The following ENTPD7 variants were observed in gnomAD, a reference collection of about 807,000 sequenced individuals.
The protein encoded by ENTPD7 is NTPDase 7.
A neutral mutation model predicts 77.9 loss-of-function variants in ENTPD7; 53 were observed. The observed-to-expected ratio is 0.68, with a 90% CI of 0.55 to 0.85. The LOEUF is 0.85. Among genes scored for constraint, ENTPD7 ranks in the 40% least tolerant of loss-of-function variants. The pLI is 0.00. For missense variants in ENTPD7, 636 were observed against 743.7 expected (o/e 0.86, Z 1.68); for synonymous variants, 248 against 274.9 (o/e 0.90, Z 0.97).
At chr10:99,691,996 G>A (rs1298746998) in intron 8 of ENTPD7, among the ~76,000 whole-genome samples, 1 of 152,204 alleles carries the variant, frequency 6.6e-6, no homozygotes, top group Non-Finnish European at 1.5e-5. Flanking sequence ...TTTTGAGGGA[G>A]AAGTTTCATC....
chr10:99,694,154 T>C (rs1462270750), intron 8 of ENTPD7, among the ~76,000 whole-genome samples: 2 of 152,094 alleles, frequency 1.3e-5, no homozygotes, highest in Non-Finnish European at 2.9e-5. Flanking sequence ...AAACCCCATA[T>C]TCACTCCCCA....
Position 99,706,991 on chromosome 10 carries a change from C to T in ENTPD7, c.*2308C>T, listed in dbSNP as rs1283178686. Reference sequence around the variant, plus strand: ...AAAGCTCTTATTAGTATTCTTCATCCTGGCTGTAATAATAGCCATTATTTG... The same window carrying T: ...AAAGCTCTTATTAGTATTCTTCATCTTGGCTGTAATAATAGCCATTATTTG... On this transcript the variant is annotated 3_prime_UTR_variant, in exon 13 of 13. Transcript: ENST00000370489. 1.3e-5 allele frequency among the ~76,000 whole-genome samples: 2 copies of T among 152,158 alleles called. No homozygotes were observed. Among genetic ancestry groups the T allele is most frequent in the Non-Finnish European group, 2.9e-5 (2 of 68,022 alleles).
chr10:99,685,150 G>A (rs2035796471), intron 5 of ENTPD7, among the ~76,000 whole-genome samples: 1 of 152,284 alleles, frequency 6.6e-6, no homozygotes, highest in Admixed American at 6.5e-5. Context: ...CCAGCTACTT[G>A]GGAGGCTGAG....
chr10:99,702,707 C>T, intron 12 of ENTPD7, 34 bp downstream of exon 12: 1 of 1,559,546 alleles, frequency 6.4e-7, no homozygotes, highest in Non-Finnish European at 8.7e-7. Context: ...GTATCTTGAG[C>T]TCAGAGGATA....
intron 5 of ENTPD7, among the ~76,000 whole-genome samples, chr10:99,683,839 A>T (rs2035781061): frequency 6.6e-6 from 1 of 152,220 alleles, no homozygotes; most frequent in African/African-American, 2.4e-5. Flanking sequence ...AAGTTATTTA[A>T]CCAATCCCTA....
chr10:99,698,589 C>T lies in ENTPD7; in HGVS notation c.1066C>T (p.Leu356=). 1 of 1,614,198 alleles carries T rather than the reference C, an allele frequency of 6.2e-7. No individual in the cohort carries two copies. The highest frequency in any genetic ancestry group is 8.5e-7 in the Non-Finnish European group (1 of 1,180,040). The change falls in exon 10 of 13, where the codon CTG becomes TTG. Residue 356 remains leucine, a synonymous_variant. Coordinates refer to ENST00000370489, the MANE Select transcript of ENTPD7 (RefSeq NM_020354.5). ...SPDNPFLDPC[L]PVGLTDVVER... Reference sequence around the variant, plus strand: ...CGACAATCCATTTCTGGATCCCTGCCTGCCAGTGGGACTCACAGATGTGGT... The same window carrying T: ...CGACAATCCATTTCTGGATCCCTGCTTGCCAGTGGGACTCACAGATGTGGT...
At position 99,709,904 on chromosome 10, in the gene ENTPD7, C is replaced by T. The variant is rs554922652; in HGVS notation, c.*5221C>T. Reference sequence around the variant, plus strand: ...TGTTTCTCTGAAAATCTGAGCAATACGGAGATCCTTTTATTAGTAAAACTG... The same window carrying T: ...TGTTTCTCTGAAAATCTGAGCAATATGGAGATCCTTTTATTAGTAAAACTG... On this transcript the variant is annotated 3_prime_UTR_variant, in exon 13 of 13. Transcript: ENST00000370489. 4.4e-5 allele frequency: 43 copies of T among 985,398 alleles called. 1 individual carries two copies. The South Asian group carries it at 1.1e-3, about 25-fold the overall frequency. 61.0% of individuals were successfully genotyped at this position (985,398 alleles called of 1,614,324 possible).
chr10:99,702,801 C>A, intron 12 of ENTPD7, 128 bp downstream of exon 12: 1 of 810,714 alleles, frequency 1.2e-6, no homozygotes, highest in Admixed American at 4.0e-5. Context: ...CTCTCTACCC[C>A]CTCACAAAAA....
At chr10:99,667,173 T>C (rs1159501874) in intron 3 of ENTPD7, among the ~76,000 whole-genome samples, 1 of 152,238 alleles carries the variant, frequency 6.6e-6, no homozygotes, top group East Asian at 1.9e-4. Context: ...CCTAACACCC[T>C]GGAATGCTGT....
chr10:99,709,479 G>A lies in ENTPD7; in HGVS notation c.*4796G>A. The stretch of plus-strand genomic sequence containing the variant: ...TCCTGGTGTTACAAAAAATATTGCT[G>A]TTAAAAAACTAAGACTCAAAACCAA... On this transcript the variant is annotated 3_prime_UTR_variant, in exon 13 of 13. Coordinates refer to ENST00000370489, the MANE Select transcript of ENTPD7 (RefSeq NM_020354.5). The A allele has an allele frequency of 1.0e-6, 1 of 985,300 alleles. No homozygotes were observed. The highest frequency in any genetic ancestry group is 1.2e-6 in the Non-Finnish European group (1 of 829,882). The allele number at this position is 985,300 out of a possible 1,614,324, so 61.0% of individuals were successfully genotyped here. A position where few individuals can be genotyped will look rare whatever the true frequency, so the allele number is the denominator to read the frequency against.
At position 99,706,819 on chromosome 10, in the gene ENTPD7, T is replaced by C. The variant is rs948968299; in HGVS notation, c.*2136T>C. On this transcript the variant is annotated 3_prime_UTR_variant, in exon 13 of 13. Coordinates refer to ENST00000370489, the MANE Select transcript of ENTPD7 (RefSeq NM_020354.5). ...CTACTCAGGTAACGTTTTCTTTTGC[T>C]CTCATCTTGGTTTCCATATACTATT... Among the ~76,000 whole-genome samples the C allele has an allele frequency of 6.6e-6, 1 of 152,228 alleles. No homozygotes were observed. Among genetic ancestry groups the C allele is most frequent in the Non-Finnish European group, 1.5e-5 (1 of 68,050 alleles).
chr10:99,687,345 C>T (rs1444939321), intron 6 of ENTPD7, among the ~76,000 whole-genome samples: 1 of 132,060 alleles, frequency 7.6e-6, no homozygotes, highest in Non-Finnish European at 1.6e-5. Context: ...CGGCCCACTG[C>T]AACCTCCGCT....
chr10:99,704,730 C>A lies in ENTPD7; in HGVS notation c.*47C>A. On this transcript the variant is annotated 3_prime_UTR_variant, in exon 13 of 13. Transcript: ENST00000370489. ...GCTTGAGCACCCCCGAGTTGCTGCTCATTGAATTCCTCCACTTTCTTATAT... is the reference window on the plus strand; with the variant it reads ...GCTTGAGCACCCCCGAGTTGCTGCTAATTGAATTCCTCCACTTTCTTATAT... 1 of 1,519,130 alleles carries A rather than the reference C, an allele frequency of 6.6e-7. No individual in the cohort carries two copies. The highest frequency in any genetic ancestry group is 1.2e-5 in the South Asian group (1 of 85,554). The allele number at this position is 1,519,130 out of a possible 1,614,324, so 94.1% of individuals were successfully genotyped here. A position where few individuals can be genotyped will look rare whatever the true frequency, so the allele number is the denominator to read the frequency against.
chr10:99,668,095 C>T (rs571456517), intron 3 of ENTPD7, among the ~76,000 whole-genome samples: 18 of 151,716 alleles, frequency 1.2e-4, no homozygotes, highest in South Asian at 2.1e-4. Flanking sequence ...CCACCATGCC[C>T]GGCTAATTTT....
At chr10:99,684,788 C>T (rs950364483) in intron 5 of ENTPD7, among the ~76,000 whole-genome samples, 2 of 152,100 alleles carry the variant, frequency 1.3e-5, no homozygotes, top group Non-Finnish European at 2.9e-5. Flanking sequence ...ATATTGATTA[C>T]ATGCTTAAAA....
At chr10:99,664,145 A>G (rs1053616260) in intron 3 of ENTPD7, among the ~76,000 whole-genome samples, 1 of 152,116 alleles carries the variant, frequency 6.6e-6, no homozygotes, top group Non-Finnish European at 1.5e-5. Flanking sequence ...CAGAAGGTCT[A>G]TATTTCTTTA....
At position 99,704,670 on chromosome 10, in the gene ENTPD7, A is replaced by T. The variant is rs2036216318; in HGVS notation, c.1802A>T (p.Gln601Leu). The change falls in exon 13 of 13, where the codon CAG becomes CTG. Residue 601 changes from glutamine (Q) to leucine (L), a missense_variant. By Grantham distance (113) the Gln-to-Leu change is moderately radical. Transcript: ENST00000370489. ...LEEVVPMMGV[Q>L]VGP ...GAGGTGGTGCCCATGATGGGAGTAC[A>T]GGTGGGGCCGTGAGGCTGGACCAGG... 1.2e-6 allele frequency: 2 copies of T among 1,613,588 alleles called. No homozygotes were observed. The highest frequency in any genetic ancestry group is 2.2e-5 in the East Asian group (1 of 44,826).
chr10:99,705,019 G>A lies in ENTPD7; in HGVS notation c.*336G>A, dbSNP rs2036224267. The A allele has an allele frequency of 3.6e-6, 1 of 281,056 alleles. No homozygotes were observed. Among genetic ancestry groups the A allele is most frequent in the Non-Finnish European group, 6.9e-6 (1 of 145,646 alleles). 17.4% of individuals were successfully genotyped at this position (281,056 alleles called of 1,614,324 possible). Reference sequence around the variant, plus strand: ...TTCCCTTGCTAAAGCATGAAGTTTGGCATTTGGCACACTGGAAGCCTGGTT... The same window carrying A: ...TTCCCTTGCTAAAGCATGAAGTTTGACATTTGGCACACTGGAAGCCTGGTT... On this transcript the variant is annotated 3_prime_UTR_variant, in exon 13 of 13. Transcript: ENST00000370489.
At position 99,679,842 on chromosome 10, in the gene ENTPD7, T is replaced by G; in HGVS notation, c.515T>G (p.Leu172Arg). Residue 172 changes from leucine to arginine, a missense_variant, in exon 5 of 13, where the codon CTC becomes CGC. Physicochemically the swap from Leu to Arg is moderately radical, Grantham distance 102. This residue lies in a region of ENTPD7 where 486 missense variants were observed against 556.5 expected (regional missense o/e 0.87). Transcript: ENST00000370489. ...KKHKETPLYI[L>R]CTAGMRLLPE... ...CACAAGGAGACCCCTCTTTACATCC[T>G]CTGCACAGCAGGCATGAGGCTTCTC... The G allele has an allele frequency of 6.2e-7, 1 of 1,614,040 alleles. No homozygotes were observed. Among genetic ancestry groups the G allele is most frequent in the Non-Finnish European group, 8.5e-7 (1 of 1,179,988 alleles).
Sources: gnomAD v4.1 joint callset for allele counts (sites outside exome capture counted in the v4.1 genomes callset) on GRCh38, gnomAD v4.1.1 for gene constraint, gnomAD v4.1.1 regional missense constraint, MANE v1.5 for transcripts, NCBI Gene and HGNC (gene_info 2026-07-23, HGNC 2026-07-21) for gene names.